Variants in LPAR6 observed in about 807,000 individuals in gnomAD.
LPAR6 encodes lysophosphatidic acid receptor 6.
Under a neutral mutation model 22.0 loss-of-function variants are expected in LPAR6, and 17 were observed. The observed-to-expected ratio is 0.77, with a 90% confidence interval of 0.53 to 1.16. The LOEUF (loss-of-function observed/expected upper bound fraction) is 1.16, where lower values mean the gene tolerates loss of function less well. LPAR6 is among the 50% of genes most tolerant of loss of function. The pLI is 0.00. For synonymous variants in LPAR6, 136 were observed against 139.8 expected, an observed-to-expected ratio of 0.97 and a Z score of 0.19; for missense variants, 384 against 406.9, an observed-to-expected ratio of 0.94 and a Z score of 0.48.
chr13:48,436,453 G>A (rs4151558), intron 1 of LPAR6, among the ~76,000 whole-genome samples: 205 of 152,274 alleles, frequency 1.3e-3, no homozygotes, highest in African/African-American at 4.7e-3. Context: ...GACCAGCCTG[G>A]CCAACATGGT....
chr13:48,393,309 C>A (rs1438075590), intron 1 of LPAR6, among the ~76,000 whole-genome samples: 1 of 152,202 alleles, frequency 6.6e-6, no homozygotes, highest in South Asian at 2.1e-4. Context: ...TTTGCCTTGG[C>A]ATCTCCCATT....
upstream of LPAR6, among the ~76,000 whole-genome samples, chr13:48,429,944 T>C (rs1949112881): frequency 6.6e-6 from 1 of 152,184 alleles, no homozygotes; most frequent in African/African-American, 2.4e-5. Flanking sequence ...TGCCAGGCAG[T>C]TTTTCTGGGA....
chr13:48,440,302 G>T (rs1205751781), intron 1 of LPAR6, among the ~76,000 whole-genome samples: 1 of 152,158 alleles, frequency 6.6e-6, no homozygotes, highest in Middle Eastern at 3.2e-3. Flanking sequence ...TCCTGAGATA[G>T]AAGTGGTTGA....
chr13:48,434,099 A>T (rs895501912), intron 1 of LPAR6, among the ~76,000 whole-genome samples: 4 of 152,126 alleles, frequency 2.6e-5, no homozygotes, highest in Non-Finnish European at 4.4e-5. Flanking sequence ...TTCTCCAATC[A>T]TAATAGCTTT....
intron 2 of LPAR6, among the ~76,000 whole-genome samples, chr13:48,422,358 G>A (rs1297077381): frequency 2.6e-5 from 4 of 152,082 alleles, no homozygotes; most frequent in Non-Finnish European, 5.9e-5. Flanking sequence ...CACACATCGG[G>A]GCCTGTCGGG....
At chr13:48,441,319 A>C (rs1949234589) in intron 1 of LPAR6, among the ~76,000 whole-genome samples, 1 of 152,216 alleles carries the variant, frequency 6.6e-6, no homozygotes, top group Admixed American at 6.5e-5. Context: ...TTGTGCCTGA[A>C]GACCCTTATG....
intron 1 of LPAR6, among the ~76,000 whole-genome samples, chr13:48,433,212 G>A (rs1442775457): frequency 6.6e-6 from 1 of 151,632 alleles, no homozygotes; most frequent in Non-Finnish European, 1.5e-5. Flanking sequence ...TCTTTTAGAC[G>A]TTAATTTTTT....
At chr13:48,404,473 A>G (rs755060689) in intron 1 of LPAR6, among the ~76,000 whole-genome samples, 18 of 152,006 alleles carry the variant, frequency 1.2e-4, no homozygotes, top group Admixed American at 6.6e-5. Context: ...AATGAAAACC[A>G]GGGGGCTTCA....
In LPAR6 at chr13:48,411,970, C is replaced by T. The variant is rs1021205792; in HGVS notation, c.454G>A (p.Val152Ile). 3.8e-6 allele frequency: 6 copies of T among 1,595,972 alleles called. No individual in the cohort carries two copies. Among genetic ancestry groups the T allele is most frequent in the East Asian group, 2.3e-5 (1 of 44,008 alleles). The part of the protein sequence containing the change: ...LTVIGGSAPA[V>I]FVQSTHSQGN... The stretch of plus-strand genomic sequence containing the variant: ...TGAGAGTGGGTAGACTGAACAAAAA[C>T]GGCGGGTGCACTTCCTCCGATCACA... Residue 152 changes from valine to isoleucine, a missense_variant, in exon 1 of 1, where the codon GTT becomes ATT. Coordinates refer to ENST00000620633, the MANE Select transcript of LPAR6 (RefSeq NM_001162498.3).
chr13:48,432,028 A>G lies in LPAR6; in HGVS notation c.-1473-7909T>C, dbSNP rs117586642. The stretch of plus-strand genomic sequence containing the variant: ...TTTGGAGAAGACAATCAATAAATAA[A>G]CAATTATACAACTGGTCATATGGTG... On this transcript the variant is annotated intron_variant, in intron 1 of 6. Transcript: ENST00000378434. Among the ~76,000 whole-genome samples, 760 of 152,338 alleles carry G rather than the reference A, an allele frequency of 5.0e-3. 5 individuals are homozygous for G. The highest frequency in any genetic ancestry group is 0.017 in the Middle Eastern group (5 of 294).
intron 1 of LPAR6, among the ~76,000 whole-genome samples, chr13:48,442,291 C>T (rs1949245225): frequency 6.6e-6 from 1 of 152,036 alleles, no homozygotes; most frequent in Admixed American, 6.6e-5. Flanking sequence ...AGCTCTGCCT[C>T]CTGGGTTCAC....
intron 1 of LPAR6, among the ~76,000 whole-genome samples, chr13:48,437,778 C>G (rs1349082485): frequency 6.6e-6 from 1 of 152,204 alleles, no homozygotes; most frequent in Non-Finnish European, 1.5e-5. Flanking sequence ...TCAGAAGTGA[C>G]ATGCCATCAC....
At chr13:48,409,790 A>G (rs1948776606), downstream of LPAR6, among the ~76,000 whole-genome samples, 1 of 151,918 alleles carries the variant, frequency 6.6e-6, no homozygotes, top group South Asian at 2.1e-4. Flanking sequence ...CATGTTGGCC[A>G]GGAGGGTCTT....
chr13:48,437,287 G>T (rs2138295713), intron 1 of LPAR6, among the ~76,000 whole-genome samples: 1 of 152,226 alleles, frequency 6.6e-6, no homozygotes, highest in Middle Eastern at 3.4e-3. Context: ...GAAAACTACT[G>T]CCCAAGTCCT....
chr13:48,396,697 A>C (rs1332473712), intron 1 of LPAR6, among the ~76,000 whole-genome samples: 3 of 152,228 alleles, frequency 2.0e-5, no homozygotes, highest in Admixed American at 1.3e-4. Flanking sequence ...AACTATCTTC[A>C]GAGTGAACAG....
At chr13:48,389,909 C>T (rs1241308032) in intron 1 of LPAR6, 2 of 152,264 alleles carry the variant, frequency 1.3e-5, no homozygotes, top group East Asian at 3.8e-4. Context: ...AATCCCAGCA[C>T]TTTGGGAAGC....
chr13:48,406,978 C>T (rs528076577), downstream of LPAR6, among the ~76,000 whole-genome samples: 134 of 152,312 alleles, frequency 8.8e-4, 1 homozygote, highest in Non-Finnish European at 4.9e-4. Flanking sequence ...TTTAGTCTTA[C>T]AGTTCCTCAG....
chr13:48,392,463 A>C (rs1948618167), intron 1 of LPAR6, among the ~76,000 whole-genome samples: 1 of 151,880 alleles, frequency 6.6e-6, no homozygotes, highest in Non-Finnish European at 1.5e-5. Context: ...TCTGTATTTC[A>C]TGTTGAATAC....
intron 1 of LPAR6, among the ~76,000 whole-genome samples, chr13:48,399,093 T>A (rs1245279431): frequency 1.3e-5 from 2 of 152,082 alleles, no homozygotes; most frequent in African/African-American, 4.8e-5. Context: ...CTATAAGTGT[T>A]TTCAGAATCC....
Sources: gnomAD v4.1 joint callset for allele counts (sites outside exome capture counted in the v4.1 genomes callset) on GRCh38, gnomAD v4.1.1 for gene constraint, MANE v1.5 for transcripts, NCBI Gene and HGNC (gene_info 2026-07-23, HGNC 2026-07-21) for gene names.